Variants in BIRC3 observed in about 807,000 individuals in gnomAD.
BIRC3 encodes baculoviral IAP repeat containing 3.
Under a neutral mutation model 59.0 loss-of-function variants are expected in BIRC3, and 26 were observed. That is an observed-to-expected ratio of 0.44 (90% confidence interval 0.32 to 0.61). The LOEUF is 0.61. Ranked by LOEUF, BIRC3 falls within the 20% of genes least tolerant of loss-of-function variation. The probability of loss-of-function intolerance (pLI) is 0.04; values close to 1 mark genes in which losing one functional copy is unlikely to be tolerated. For missense variants in BIRC3, 641 were observed against 711.5 expected (o/e 0.90, Z 1.13); for synonymous variants, 243 against 249.2 (o/e 0.98, Z 0.24).
At chr11:102,318,180 C>G (rs1950992944) in intron 1 of BIRC3, among the ~76,000 whole-genome samples, 1 of 152,190 alleles carries the variant, frequency 6.6e-6, no homozygotes, top group South Asian at 2.1e-4. Flanking sequence ...AGGTTTGTCT[C>G]TGAAGACTTT....
At chr11:102,326,705 C>CT (rs577802606) in intron 3 of BIRC3, 1 of 454,316 alleles carries the variant, frequency 2.2e-6, no homozygotes, top group African/African-American at 2.0e-5. Context: ...ATTTTGATTA[C>CT]TTTTTTTCCT....
In BIRC3 at chr11:102,338,974, G is replaced by C; in HGVS notation, c.*1872G>C. On this transcript the variant is annotated 3_prime_UTR_variant, in exon 9 of 9. Transcript: ENST00000263464. ...CCAACATCTGCTAGTGTTGTAAAGA[G>C]AACAATTAGGGACCAAGTGAGGGGA... The C allele has an allele frequency of 4.6e-6, 1 of 216,586 alleles. No individual in the cohort carries two copies. Among genetic ancestry groups the C allele is most frequent in the Non-Finnish European group, 9.3e-6 (1 of 107,540 alleles). 13.4% of individuals were successfully genotyped at this position (216,586 alleles called of 1,614,324 possible).
intron 1 of BIRC3, among the ~76,000 whole-genome samples, chr11:102,318,073 G>T (rs1950990216): frequency 6.6e-6 from 1 of 152,134 alleles, no homozygotes; most frequent in African/African-American, 2.4e-5. Flanking sequence ...CATTGTCGAA[G>T]GCATGTACCT....
At position 102,324,507 on chromosome 11, in the gene BIRC3, A is replaced by C. The variant is rs1026259447; in HGVS notation, c.-3A>C. 2 of 1,604,244 alleles carry C rather than the reference A, an allele frequency of 1.2e-6. No homozygotes were observed. Among genetic ancestry groups the C allele is most frequent in the East Asian group, 2.2e-5 (1 of 44,826 alleles). On this transcript the variant is annotated 5_prime_UTR_variant, in exon 2 of 9. Coordinates refer to ENST00000263464, the MANE Select transcript of BIRC3 (RefSeq NM_001165.5). The stretch of plus-strand genomic sequence containing the variant: ...GTCCCTTTTCTTCCCCATTCATTTC[A>C]TTATGAACATAGTAGAAAACAGCAT...
intron 6 of BIRC3, among the ~76,000 whole-genome samples, chr11:102,332,711 C>A (rs17881109): frequency 5.3e-5 from 8 of 152,296 alleles, no homozygotes; most frequent in Admixed American, 2.6e-4. Flanking sequence ...TCTGACCCAA[C>A]CCAGACAAAC....
At chr11:102,327,092 T>C (rs907866654) in intron 3 of BIRC3, among the ~76,000 whole-genome samples, 1 of 152,156 alleles carries the variant, frequency 6.6e-6, no homozygotes. Flanking sequence ...TGAGCCTTGG[T>C]AGATAACTAG....
intron 3 of BIRC3, among the ~76,000 whole-genome samples, chr11:102,326,042 T>C (rs1387077064): frequency 6.6e-6 from 1 of 152,120 alleles, no homozygotes; most frequent in South Asian, 2.1e-4. Flanking sequence ...AGTTTTGAAG[T>C]TTTTTCAGTC....
chr11:102,319,673 T>C (rs935919716), intron 1 of BIRC3, among the ~76,000 whole-genome samples: 1 of 151,702 alleles, frequency 6.6e-6, no homozygotes, highest in African/African-American at 2.4e-5. Flanking sequence ...GTGGAGAAAT[T>C]TGAGGAAGGT....
intron 3 of BIRC3, among the ~76,000 whole-genome samples, chr11:102,325,918 C>T (rs1434978190): frequency 6.6e-6 from 1 of 152,016 alleles, no homozygotes; most frequent in Non-Finnish European, 1.5e-5. Context: ...CTTTAGTGAA[C>T]ATCCCTCCAG....
rs771844521 is a variant in BIRC3, at chr11:102,328,934, CAG to C, written c.1073_1074del (p.Glu358ValfsTer7). On this transcript the variant is annotated frameshift_variant, in exon 5 of 9. Coordinates refer to ENST00000263464, the MANE Select transcript of BIRC3 (RefSeq NM_001165.5). LOFTEE classifies it high-confidence loss of function. Reference sequence around the variant, plus strand: ...TCAGACAGCCCAGGAGATGAAAATGCAGAGTCATCAAGTAAGTACAATGGATA... The same window carrying C: ...TCAGACAGCCCAGGAGATGAAAATGCAGTCATCAAGTAAGTACAATGGATA... 2.1e-6 allele frequency: 3 copies of C among 1,441,930 alleles called. No individual in the cohort carries two copies. Among genetic ancestry groups the C allele is most frequent in the Non-Finnish European group, 1.8e-6 (2 of 1,097,052 alleles). The allele number at this position is 1,441,930 out of a possible 1,614,324, so 89.3% of individuals were successfully genotyped here. A position where few individuals can be genotyped will look rare whatever the true frequency, so the allele number is the denominator to read the frequency against.
intron 1 of BIRC3, chr11:102,320,166 A>T (rs1427305491): frequency 6.6e-6 from 1 of 150,662 alleles, no homozygotes; most frequent in Non-Finnish European, 1.5e-5. Context: ...ACCACGCCTG[A>T]CCTAAAGCTT....
At position 102,338,778 on chromosome 11, in the gene BIRC3, G is replaced by A. The variant is rs1289984080; in HGVS notation, c.*1676G>A. The stretch of plus-strand genomic sequence containing the variant: ...AAGATTAGAGTACTATCTTTAAGAT[G>A]TAAGTCTGGCATTGTGGAAAGATGG... On this transcript the variant is annotated 3_prime_UTR_variant, in exon 9 of 9. Transcript: ENST00000263464. 1.3e-5 allele frequency: 3 copies of A among 227,406 alleles called. No homozygotes were observed. Among genetic ancestry groups the A allele is most frequent in the Admixed American group, 5.7e-5 (1 of 17,600 alleles). 14.1% of individuals were successfully genotyped at this position (227,406 alleles called of 1,614,324 possible). A position where few individuals can be genotyped will look rare whatever the true frequency, so the allele number is the denominator to read the frequency against.
At position 102,331,214 on chromosome 11, in the gene BIRC3, G is replaced by A. The variant is rs1951135205; in HGVS notation, c.1297G>A (p.Glu433Lys). Reference protein sequence around the residue: ...AEDEIREEERERATEEKESND... With the variant: ...AEDEIREEERKRATEEKESND... ...AGATGAAATAAGGGAAGAGGAGAGA[G>A]AAAGAGCAACTGAGGAAAAAGAATC... Residue 433 changes from glutamate to lysine, a missense_variant, in exon 6 of 9, where the codon GAA (glutamate) becomes AAA (lysine). Physicochemically the swap from Glu to Lys is moderately conservative, Grantham distance 56. Around this residue, in one of 4 missense-constraint regions of BIRC3, gnomAD observed 268 missense variants for 255.7 expected, o/e 1.05. Coordinates refer to ENST00000263464, the MANE Select transcript of BIRC3 (RefSeq NM_001165.5). 3 of 1,608,126 alleles carry A rather than the reference G, an allele frequency of 1.9e-6. No individual in the cohort carries two copies. The South Asian group carries it at 3.3e-5, about 18-fold the overall frequency.
chr11:102,321,592 T>A (rs1212652429), intron 1 of BIRC3, among the ~76,000 whole-genome samples: 1 of 152,200 alleles, frequency 6.6e-6, no homozygotes, highest in African/African-American at 2.4e-5. Context: ...TGACCTCAAG[T>A]GATCCACTTG....
intron 6 of BIRC3, among the ~76,000 whole-genome samples, chr11:102,332,063 C>T (rs546865045): frequency 2.6e-5 from 4 of 152,300 alleles, no homozygotes; most frequent in South Asian, 2.1e-4. Context: ...CCAGAGCATC[C>T]GTCGATTATT....
chr11:102,336,243 T>C (rs753391064), intron 7 of BIRC3, 23 bp downstream of exon 7: 2 of 1,556,168 alleles, frequency 1.3e-6, no homozygotes, highest in African/African-American at 2.8e-5. Flanking sequence ...AAATTATTTT[T>C]AAAAATTTTC....
chr11:102,330,527 TAAG>T (rs962298831), intron 5 of BIRC3, among the ~76,000 whole-genome samples: 5 of 152,252 alleles, frequency 3.3e-5, no homozygotes, highest in African/African-American at 1.2e-4. Context: ...TGATGGAATT[TAAG>T]AAGTGTGACA....
chr11:102,318,097 CAAT>C (rs1376313979), intron 1 of BIRC3, among the ~76,000 whole-genome samples: 1 of 152,160 alleles, frequency 6.6e-6, no homozygotes, highest in Non-Finnish European at 1.5e-5. Context: ...GCTAACGTAA[CAAT>C]AATATTAAAT....
intron 6 of BIRC3, among the ~76,000 whole-genome samples, chr11:102,335,637 C>CATTATTATT (rs17883841): frequency 6.6e-6 from 1 of 151,746 alleles, no homozygotes; most frequent in African/African-American, 2.4e-5. Context: ...CTATAAGTAG[C>CATTATTATT]ATTATTATTA....
Sources: allele counts gnomAD v4.1 joint callset (sites outside exome capture counted in the v4.1 genomes callset), GRCh38; gene constraint gnomAD v4.1.1; regional missense constraint gnomAD v4.1.1; transcripts MANE v1.5; gene names NCBI Gene and HGNC (gene_info 2026-07-23, HGNC 2026-07-21).